Variants in SYN3 observed in about 807,000 individuals in gnomAD.
The protein encoded by SYN3 is synapsin-3.
A neutral mutation model predicts 65.8 loss-of-function variants in SYN3; 35 were observed. The observed-to-expected ratio is 0.53, with a 90% CI of 0.41 to 0.70. The LOEUF is 0.70. Among genes scored for constraint, SYN3 ranks in the 30% least tolerant of loss-of-function variants. SYN3 has a pLI of 0.00. For missense variants in SYN3, 680 were observed against 749.0 expected, an observed-to-expected ratio of 0.91 and a Z score of 1.08; for synonymous variants, 270 against 292.9, an observed-to-expected ratio of 0.92 and a Z score of 0.80.
intron 6 of SYN3, among the ~76,000 whole-genome samples, chr22:32,686,429 T>C (rs1168272044): frequency 6.6e-6 from 1 of 151,482 alleles, no homozygotes; most frequent in Non-Finnish European, 1.5e-5. Context: ...AGATTTAGAT[T>C]GCTATGGGGA....
At chr22:32,890,617 T>C (rs555071073) in intron 4 of SYN3, among the ~76,000 whole-genome samples, 27 of 151,704 alleles carry the variant, frequency 1.8e-4, no homozygotes, top group Admixed American at 1.5e-3. Flanking sequence ...CCTGACCTCG[T>C]GATCTGCCCG....
intron 6 of SYN3, among the ~76,000 whole-genome samples, chr22:32,788,268 G>A (rs573183785): frequency 2.6e-5 from 4 of 151,992 alleles, no homozygotes; most frequent in Non-Finnish European, 4.4e-5. Flanking sequence ...TTGGCTGGGC[G>A]TGGTGGTTCA....
intron 6 of SYN3, among the ~76,000 whole-genome samples, chr22:32,670,726 T>C (rs2060348765): frequency 6.6e-6 from 1 of 152,266 alleles, no homozygotes; most frequent in South Asian, 2.1e-4. Context: ...CTATCAGTCA[T>C]TGCCAGGAAG....
At chr22:32,818,436 G>A (rs565809960) in intron 6 of SYN3, among the ~76,000 whole-genome samples, 59 of 152,312 alleles carry the variant, frequency 3.9e-4, no homozygotes, top group African/African-American at 1.4e-3. Context: ...GCCTGGCTCT[G>A]CTCCTTCTGC....
At chr22:32,814,783 GAGAC>G (rs1265636907) in intron 6 of SYN3, among the ~76,000 whole-genome samples, 1 of 152,090 alleles carries the variant, frequency 6.6e-6, no homozygotes, top group Non-Finnish European at 1.5e-5. Flanking sequence ...CACAAGCGGG[GAGAC>G]AGAAAGGGAA....
chr22:32,613,834 G>A (rs1302815781), intron 6 of SYN3, among the ~76,000 whole-genome samples: 2 of 152,088 alleles, frequency 1.3e-5, no homozygotes, highest in African/African-American at 2.4e-5. Context: ...TTTCAGCCCT[G>A]CCTAGGGTGC....
intron 1 of SYN3, among the ~76,000 whole-genome samples, chr22:33,030,606 T>G (rs553941964): frequency 3.9e-4 from 50 of 127,554 alleles, no homozygotes; most frequent in Middle Eastern, 5.1e-3. Context: ...CAGAGAGAGA[T>G]AGATAAAAAT....
intron 3 of SYN3, among the ~76,000 whole-genome samples, chr22:32,933,629 G>C (rs1429033612): frequency 6.6e-6 from 1 of 152,040 alleles, no homozygotes; most frequent in African/African-American, 2.4e-5. Flanking sequence ...TAGTAGAAAG[G>C]GGGTTTCACC....
chr22:33,013,934 TC>T lies in SYN3; in HGVS notation c.-162-7111del, dbSNP rs370779020. Among the ~76,000 whole-genome samples, 29 of 152,152 alleles carry T rather than the reference TC, an allele frequency of 1.9e-4. No homozygotes were observed. In the East Asian group the frequency reaches 4.3e-3, roughly 22 times the overall value. ...TTTTTTTTTGGTCTGAGATGGGGTCTCACTCTGTTGCCCAGGCTGGAGTGCA... is the reference window on the plus strand; with the variant it reads ...TTTTTTTTTGGTCTGAGATGGGGTCTACTCTGTTGCCCAGGCTGGAGTGCA... On this transcript the variant is annotated intron_variant, in intron 1 of 13. Transcript: ENST00000358763.
intron 6 of SYN3, among the ~76,000 whole-genome samples, chr22:32,602,851 C>G (rs1043766391): frequency 1.3e-5 from 2 of 152,192 alleles, no homozygotes; most frequent in African/African-American, 4.8e-5. Flanking sequence ...TTCATTCTCT[C>G]TCTGCTACTA....
At position 32,865,045 on chromosome 22, in the gene SYN3, C is replaced by G. The variant is rs765102477; in HGVS notation, c.622-41G>C. 4.6e-6 allele frequency: 7 copies of G among 1,534,800 alleles called. 1 individual carries two copies. In the South Asian group the frequency reaches 7.8e-5, roughly 17 times the overall value. The stretch of plus-strand genomic sequence containing the variant: ...AGAGAACATTGATCAACTATTGTCA[C>G]CCAGTATAACAAAACCTCCCACTTG... On this transcript the variant is annotated intron_variant, in intron 5 of 13. Coordinates refer to ENST00000358763, the MANE Select transcript of SYN3 (RefSeq NM_003490.4).
intron 7 of SYN3, among the ~76,000 whole-genome samples, chr22:32,557,190 T>C (rs2058515611): frequency 6.6e-6 from 1 of 152,104 alleles, no homozygotes; most frequent in Non-Finnish European, 1.5e-5. Context: ...TAAGGTACCA[T>C]TTCTATCATG....
intron 6 of SYN3, among the ~76,000 whole-genome samples, chr22:32,808,650 G>A (rs1017382378): frequency 6.6e-6 from 1 of 152,230 alleles, no homozygotes; most frequent in African/African-American, 2.4e-5. Context: ...CTGGCTCTTG[G>A]CCCATGACAC....
At chr22:32,516,386 T>A (rs552514172) in intron 13 of SYN3, among the ~76,000 whole-genome samples, 16 of 149,506 alleles carry the variant, frequency 1.1e-4, no homozygotes, top group African/African-American at 3.7e-4. Context: ...TTTATTGAGA[T>A]GGAGTCTCAC....
chr22:32,551,049 A>C (rs1293285411), intron 7 of SYN3, among the ~76,000 whole-genome samples: 1 of 152,236 alleles, frequency 6.6e-6, no homozygotes, highest in Admixed American at 6.5e-5. Flanking sequence ...CTATCTCACT[A>C]TTCCAAAATA....
chr22:32,576,456 C>T (rs1480771923), intron 7 of SYN3, among the ~76,000 whole-genome samples: 1 of 152,206 alleles, frequency 6.6e-6, no homozygotes, highest in Non-Finnish European at 1.5e-5. Flanking sequence ...CTACGAAGCA[C>T]AGGGCCTGGC....
chr22:32,915,446 C>G (rs1308651806), intron 4 of SYN3, among the ~76,000 whole-genome samples: 1 of 151,860 alleles, frequency 6.6e-6, no homozygotes, highest in Non-Finnish European at 1.5e-5. Context: ...GCAATGAGGG[C>G]TGTTAAAAAA....
At chr22:32,897,463 G>C (rs2049627006) in intron 4 of SYN3, among the ~76,000 whole-genome samples, 1 of 152,160 alleles carries the variant, frequency 6.6e-6, no homozygotes, top group Non-Finnish European at 1.5e-5. Context: ...GGGTTCCCAG[G>C]ATGCCCAATG....
At chr22:32,550,921 A>C (rs2058405034) in intron 7 of SYN3, among the ~76,000 whole-genome samples, 2 of 152,212 alleles carry the variant, frequency 1.3e-5, no homozygotes, top group African/African-American at 4.8e-5. Context: ...CCCATTAGCC[A>C]AAGATGGGAT....
Sources: gnomAD v4.1 joint callset for allele counts (sites outside exome capture counted in the v4.1 genomes callset) on GRCh38, gnomAD v4.1.1 for gene constraint, MANE v1.5 for transcripts, NCBI Gene and HGNC (gene_info 2026-07-23, HGNC 2026-07-21) for gene names.